EPAS1: variants seen among roughly 807,000 people sequenced by gnomAD.
The protein encoded by EPAS1 is endothelial PAS domain-containing protein 1.
A neutral mutation model predicts 87.9 loss-of-function variants in EPAS1; 23 were observed. That is an observed-to-expected ratio of 0.26 (90% CI 0.19 to 0.37). EPAS1 has a LOEUF of 0.37. Ranked by LOEUF, EPAS1 falls within the 10% of genes least tolerant of loss-of-function variation. The pLI is 1.00. For synonymous variants in EPAS1, 508 were observed against 444.3 expected (o/e 1.14, Z -1.80); for missense variants, 1,138 against 1,120.7 (o/e 1.02, Z -0.22).
rs146080447 is a variant in EPAS1, at chr2:46,364,577, G to T, written c.779+3487G>T. On this transcript the variant is annotated intron_variant, in intron 6 of 15. Coordinates refer to ENST00000263734, the MANE Select transcript of EPAS1 (RefSeq NM_001430.5). Reference sequence around the variant, plus strand: ...TGCATTTGTCCTCCTGTTAATGAGGGATCAGAGTACCATATTAAGTCCTGC... The same window carrying T: ...TGCATTTGTCCTCCTGTTAATGAGGTATCAGAGTACCATATTAAGTCCTGC... 2.1e-3 allele frequency among the ~76,000 whole-genome samples: 326 copies of T among 152,274 alleles called. 3 individuals carry two copies. The highest frequency in any genetic ancestry group is 7.4e-3 in the African/African-American group (309 of 41,548).
chr2:46,318,237 GT>G (rs1474461925), intron 1 of EPAS1, among the ~76,000 whole-genome samples: 3 of 151,908 alleles, frequency 2.0e-5, no homozygotes, highest in Non-Finnish European at 4.4e-5. Flanking sequence ...CACTGGACCA[GT>G]CAGAACACAC....
chr2:46,383,435 T>C (rs1384952633), intron 15 of EPAS1, among the ~76,000 whole-genome samples: 5 of 152,232 alleles, frequency 3.3e-5, no homozygotes, highest in Non-Finnish European at 7.3e-5. Flanking sequence ...AAATAATTCG[T>C]GGTTTATGGA....
At chr2:46,307,202 G>A (rs1312859081) in intron 1 of EPAS1, among the ~76,000 whole-genome samples, 3 of 152,208 alleles carry the variant, frequency 2.0e-5, no homozygotes, top group African/African-American at 4.8e-5. Flanking sequence ...TGAGGTCAAC[G>A]AAGCTAATTT....
chr2:46,335,053 T>C (rs966065230), intron 1 of EPAS1, among the ~76,000 whole-genome samples: 1 of 152,168 alleles, frequency 6.6e-6, no homozygotes, highest in Non-Finnish European at 1.5e-5. Flanking sequence ...ACTTTTCCTC[T>C]TTCTTTGCTT....
intron 15 of EPAS1, among the ~76,000 whole-genome samples, chr2:46,382,946 G>A (rs538789916): frequency 1.3e-5 from 2 of 152,294 alleles, no homozygotes; most frequent in East Asian, 3.9e-4. Context: ...CTGTTGACAG[G>A]AGCACTTTCA....
chr2:46,307,593 C>T (rs183892096), intron 1 of EPAS1, among the ~76,000 whole-genome samples: 1 of 152,234 alleles, frequency 6.6e-6, no homozygotes, highest in Non-Finnish European at 1.5e-5. Flanking sequence ...GTGCGCCTCC[C>T]ATTTGGTAAG....
At chr2:46,335,035 C>T (rs1007245869) in intron 1 of EPAS1, among the ~76,000 whole-genome samples, 1 of 152,094 alleles carries the variant, frequency 6.6e-6, no homozygotes, top group Non-Finnish European at 1.5e-5. Flanking sequence ...CCAGCTCTCT[C>T]CTCTTTCACT....
chr2:46,302,443 CA>C (rs1178578172), intron 1 of EPAS1, among the ~76,000 whole-genome samples: 2 of 151,960 alleles, frequency 1.3e-5, no homozygotes, highest in African/African-American at 4.8e-5. Context: ...CTTTTGCTTT[CA>C]GTACTAACCA....
intron 1 of EPAS1, among the ~76,000 whole-genome samples, chr2:46,310,341 A>G (rs1683186140): frequency 6.6e-6 from 1 of 152,116 alleles, no homozygotes; most frequent in Admixed American, 6.5e-5. Context: ...GAGTCTAACC[A>G]TTATGGAAAG....
intron 7 of EPAS1, among the ~76,000 whole-genome samples, chr2:46,373,634 G>C (rs921102372): frequency 6.6e-6 from 1 of 152,202 alleles, no homozygotes; most frequent in East Asian, 1.9e-4. Context: ...GGGTGGGAAT[G>C]AAGATTAACT....
At position 46,382,122 on chromosome 2, in the gene EPAS1, G is replaced by T. The variant is rs767973882; in HGVS notation, c.2287+33G>T. On this transcript the variant is annotated intron_variant, in intron 14 of 15. Coordinates refer to ENST00000263734, the MANE Select transcript of EPAS1 (RefSeq NM_001430.5). The stretch of plus-strand genomic sequence containing the variant: ...GCGGCCACAGGCCTGGGCCTCCTGG[G>T]GGTTCTGGTGGAAGGACTGGGGCTC... The T allele has an allele frequency of 2.5e-6, 4 of 1,597,470 alleles. No individual in the cohort carries two copies. In the African/African-American group the frequency reaches 5.4e-5, roughly 21 times the overall value.
At chr2:46,349,173 A>G (rs1684093778) in intron 2 of EPAS1, among the ~76,000 whole-genome samples, 1 of 152,194 alleles carries the variant, frequency 6.6e-6, no homozygotes, top group South Asian at 2.1e-4. Flanking sequence ...ACAAAGGTCA[A>G]CAGAAGCAGC....
chr2:46,349,714 G>C (rs376420569), intron 2 of EPAS1, among the ~76,000 whole-genome samples: 1 of 152,216 alleles, frequency 6.6e-6, no homozygotes, highest in African/African-American at 2.4e-5. Context: ...CTCAGCACCC[G>C]CTTTTCTCTG....
chr2:46,381,808 CCAAGCCAG>C, intron 13 of EPAS1, 86 bp downstream of exon 13: 1 of 1,590,848 alleles, frequency 6.3e-7, no homozygotes, highest in Non-Finnish European at 8.6e-7. Context: ...TGTGGCCCTT[CCAAGCCAG>C]CATAGCCCTT....
At chr2:46,319,017 C>T (rs923962128) in intron 1 of EPAS1, among the ~76,000 whole-genome samples, 11 of 152,176 alleles carry the variant, frequency 7.2e-5, no homozygotes, top group South Asian at 6.2e-4. Context: ...AGCTTATTTT[C>T]AGACCTGAAA....
chr2:46,370,052 T>G, intron 7 of EPAS1, 119 bp downstream of exon 7: 1 of 810,016 alleles, frequency 1.2e-6, no homozygotes, highest in Non-Finnish European at 2.1e-6. Context: ...CTGTCTTGTG[T>G]GGCAGACAAG....
intron 1 of EPAS1, among the ~76,000 whole-genome samples, chr2:46,313,079 A>G (rs1683245326): frequency 6.6e-6 from 1 of 152,240 alleles, no homozygotes; most frequent in African/African-American, 2.4e-5. Context: ...AAGAGGTCAG[A>G]CAGCTACTAG....
At chr2:46,378,215 C>T (rs1052683579) in intron 10 of EPAS1, 128 bp downstream of exon 10, 26 of 1,447,918 alleles carry the variant, frequency 1.8e-5, no homozygotes, top group Non-Finnish European at 2.2e-5. Context: ...CTAGAGTGGC[C>T]GTGACACTTA....
intron 1 of EPAS1, among the ~76,000 whole-genome samples, chr2:46,316,896 T>C (rs1394726762): frequency 1.3e-5 from 2 of 152,238 alleles, no homozygotes; most frequent in African/African-American, 4.8e-5. Flanking sequence ...CTTTATCAAC[T>C]TAGTTGATGT....
Sources: allele counts gnomAD v4.1 joint callset (sites outside exome capture counted in the v4.1 genomes callset), GRCh38; gene constraint gnomAD v4.1.1; transcripts MANE v1.5; gene names NCBI Gene and HGNC (gene_info 2026-07-23, HGNC 2026-07-21).